Variants in RESF1 observed in about 807,000 individuals in gnomAD.
RESF1 encodes the protein gonad expressed transcript.
RESF1 carries 65 observed loss-of-function variants against 134.7 expected under a neutral mutation model. The ratio of observed to expected loss-of-function variants is 0.48; its 90% CI spans 0.40 to 0.59. The LOEUF (loss-of-function observed/expected upper bound fraction) is 0.59. RESF1 is among the 20% of genes least tolerant of loss of function. The pLI, the probability that RESF1 is intolerant of heterozygous loss-of-function variation, is 0.00. For synonymous variants in RESF1, 762 were observed against 702.2 expected (o/e 1.09, Z -1.35); for missense variants, 2,274 against 2,002.7 (o/e 1.14, Z -2.59).
At chr12:31,966,724 A>G (rs1328358539) in intron 2 of RESF1, among the ~76,000 whole-genome samples, 1 of 152,166 alleles carries the variant, frequency 6.6e-6, no homozygotes, top group Admixed American at 6.5e-5. Context: ...GTCCTCCACA[A>G]TAGGTGTGAT....
chr12:31,986,895 T>G lies in RESF1; in HGVS notation c.5003-344T>G, dbSNP rs189995421. Among the ~76,000 whole-genome samples the G allele has an allele frequency of 7.8e-4, 119 of 152,338 alleles. 1 individual carries two copies. The highest frequency in any genetic ancestry group is 1.3e-3 in the Admixed American group (20 of 15,294). On this transcript the variant is annotated intron_variant, in intron 4 of 5. Coordinates refer to ENST00000312561, the MANE Select transcript of RESF1 (RefSeq NM_018169.4). ...GGTGATTTCAATAGGTTCTTTCATT[T>G]GGATCCTTGGAATTTGAGGTGGGGA...
rs754399466 is a variant in RESF1 at position 31,984,919 on chromosome 12, C to T, written c.3964C>T (p.Arg1322Ter). 1.9e-5 allele frequency: 31 copies of T among 1,612,446 alleles called. No individual in the cohort carries two copies. Among genetic ancestry groups the T allele is most frequent in the Non-Finnish European group, 2.5e-5 (29 of 1,179,628 alleles). The change falls in exon 4 of 6, where the codon CGA (arginine) becomes TGA (stop). Residue 1322 changes from arginine (R) to a stop codon, truncating the protein, a stop_gained. Coordinates refer to ENST00000312561, the MANE Select transcript of RESF1 (RefSeq NM_018169.4). LOFTEE classifies it high-confidence loss of function. ...TTATGAACAAGCTTCTCAGGAAACC[C>T]GACAGAAGAAACATGTAACACAGAA... ...ASYEQASQET[R>*]QKKHVTQNSR...
chr12:31,982,929 A>G lies in RESF1; in HGVS notation c.1974A>G (p.Lys658=). The change falls in exon 4 of 6, where the codon AAA becomes AAG. Residue 658 remains lysine, a synonymous_variant. Transcript: ENST00000312561. ...GCAGTGGACAAGAATCCTCAACAAA[A>G]GGAATGCCTGCTAAAAGTGACAGTA... ...SFCSGQESST[K]GMPAKSDSSC... is the part of the protein sequence containing the mutation. 2.5e-6 allele frequency: 4 copies of G among 1,614,108 alleles called. No individual in the cohort carries two copies. Among genetic ancestry groups the G allele is most frequent in the Non-Finnish European group, 3.4e-6 (4 of 1,180,000 alleles).
chr12:31,984,345 G>A lies in RESF1; in HGVS notation c.3390G>A (p.Lys1130=). The change falls in exon 4 of 6, where the codon AAG becomes AAA. Residue 1130 remains lysine, a synonymous_variant. Transcript: ENST00000312561. ...ATGATCAACCCTATGTAGTAGACAA[G>A]TTGGCAGAACCTCAGAAAGAAGAGC... ...EQDDQPYVVD[K]LAEPQKEEPI... 1 of 1,614,106 alleles carries A rather than the reference G, an allele frequency of 6.2e-7. No individual in the cohort carries two copies. The highest frequency in any genetic ancestry group is 1.3e-5 in the African/African-American group (1 of 75,042).
In RESF1 at chr12:31,985,049, AACTC is replaced by A. The variant is rs1291127328; in HGVS notation, c.4096_4099del (p.Leu1366AsnfsTer11). 1.4e-5 allele frequency: 22 copies of A among 1,583,688 alleles called. No individual in the cohort carries two copies. Among genetic ancestry groups the A allele is most frequent in the Non-Finnish European group, 1.7e-5 (20 of 1,171,262 alleles). The stretch of plus-strand genomic sequence containing the variant: ...TTATCACCAGAAAAGATAAAATTGA[AACTC>A]AAATCAGTTAGCTTCAAACAAAAAC... On this transcript the variant is annotated frameshift_variant, in exon 4 of 6. Transcript: ENST00000312561. LOFTEE classifies it high-confidence loss of function.
At chr12:31,989,209 A>G (rs1367207969) in intron 5 of RESF1, among the ~76,000 whole-genome samples, 1 of 149,502 alleles carries the variant, frequency 6.7e-6, no homozygotes, top group Non-Finnish European at 1.5e-5. Context: ...ATCCTGGCTA[A>G]CACGGTGAAA....
Position 31,982,423 on chromosome 12 carries a change from C to T in RESF1, c.1468C>T (p.Gln490Ter). Residue 490 changes from glutamine to a stop codon, truncating the protein, a stop_gained, in exon 4 of 6, where the codon CAG becomes TAG. Coordinates refer to ENST00000312561, the MANE Select transcript of RESF1 (RefSeq NM_018169.4). LOFTEE classifies it high-confidence loss of function. ...TCAATGTATGTTGAATTCTGACATT[C>T]AGGAAGTCAATTGCAGAAGGTTTAA... Reference protein sequence around the residue: ...KTQCMLNSDIQEVNCRRFNQV... With the variant: ...KTQCMLNSDI The T allele has an allele frequency of 6.2e-7, 1 of 1,614,016 alleles. No homozygotes were observed. Among genetic ancestry groups the T allele is most frequent in the Non-Finnish European group, 8.5e-7 (1 of 1,180,002 alleles).
intron 5 of RESF1, among the ~76,000 whole-genome samples, chr12:31,991,453 A>G (rs1940091174): frequency 6.6e-6 from 1 of 152,184 alleles, no homozygotes; most frequent in Non-Finnish European, 1.5e-5. Context: ...AAAAGACAAA[A>G]CAAGACCCCA....
Position 31,982,114 on chromosome 12 carries a change from A to G in RESF1, c.1159A>G (p.Ser387Gly), listed in dbSNP as rs772756495. Residue 387 changes from serine (S) to glycine (G), a missense_variant, in exon 4 of 6, where the codon AGT becomes GGT. Ser to Gly is a moderately conservative substitution (Grantham distance 56). Coordinates refer to ENST00000312561, the MANE Select transcript of RESF1 (RefSeq NM_018169.4). ...NPTSNQVLDTSVAKEKLVRDI... is the reference protein window; with the variant it reads ...NPTSNQVLDTGVAKEKLVRDI... ...AACTTCAAATCAAGTACTGGACACA[A>G]GTGTTGCAAAAGAAAAGCTAGTAAG... is the stretch of plus-strand genomic sequence containing the variant. 6.2e-6 allele frequency: 10 copies of G among 1,614,148 alleles called. No individual in the cohort carries two copies. The highest frequency in any genetic ancestry group is 8.5e-6 in the Non-Finnish European group (10 of 1,180,028).
At position 31,983,555 on chromosome 12, in the gene RESF1, A is replaced by G. The variant is rs760569578; in HGVS notation, c.2600A>G (p.His867Arg). The change falls in exon 4 of 6, where the codon CAT (histidine) becomes CGT (arginine). Residue 867 changes from histidine to arginine, a missense_variant. Physicochemically the swap from His to Arg is conservative, Grantham distance 29. Transcript: ENST00000312561. The stretch of plus-strand genomic sequence containing the variant: ...CATAACAAATTAGAGTCAGCTATCC[A>G]TTCTCCTATGAACGATCAGCAAATC... ...GKHNKLESAI[H>R]SPMNDQQISQ... is the part of the protein sequence containing the mutation. The G allele has an allele frequency of 1.9e-6, 3 of 1,614,130 alleles. No individual in the cohort carries two copies. The Admixed American group carries it at 5.0e-5, about 27-fold the overall frequency.
chr12:31,989,280 C>T (rs1292470487), intron 5 of RESF1, among the ~76,000 whole-genome samples: 1 of 150,770 alleles, frequency 6.6e-6, no homozygotes. Flanking sequence ...CCTGTAGTCC[C>T]AGCTACTCGG....
At chr12:31,972,302 C>T (rs1348268479) in intron 3 of RESF1, among the ~76,000 whole-genome samples, 1 of 151,818 alleles carries the variant, frequency 6.6e-6, no homozygotes, top group Non-Finnish European at 1.5e-5. Context: ...TTGGTGTTGG[C>T]ATCAGAAGTG....
chr12:31,968,450 CT>C (rs34647835), intron 2 of RESF1, among the ~76,000 whole-genome samples: 12,437 of 140,426 alleles, frequency 0.089, 481 homozygotes, highest in South Asian at 0.14. Flanking sequence ...TAGGACTTCT[CT>C]TTTTTTTTTT....
At chr12:31,987,378 A>T in intron 5 of RESF1, 56 bp downstream of exon 5, 1 of 985,762 alleles carries the variant, frequency 1.0e-6, no homozygotes, top group African/African-American at 1.6e-5. Context: ...GTATATGGAA[A>T]TTGGATTATG....
At chr12:31,972,474 T>C (rs997386955) in intron 3 of RESF1, among the ~76,000 whole-genome samples, 1 of 151,882 alleles carries the variant, frequency 6.6e-6, no homozygotes, top group Non-Finnish European at 1.5e-5. Flanking sequence ...GGCGTGGTGG[T>C]GGGCACCGGT....
At chr12:31,965,198 C>G (rs779718849) in intron 2 of RESF1, among the ~76,000 whole-genome samples, 5 of 152,170 alleles carry the variant, frequency 3.3e-5, no homozygotes, top group Non-Finnish European at 5.9e-5. Flanking sequence ...CTCAAGTGAT[C>G]AGCGTGCCTC....
chr12:31,981,443 C>T lies in RESF1; in HGVS notation c.488C>T (p.Ser163Phe), dbSNP rs1565843704. The T allele has an allele frequency of 6.2e-7, 1 of 1,614,070 alleles. No homozygotes were observed. Among genetic ancestry groups the T allele is most frequent in the South Asian group, 1.1e-5 (1 of 91,076 alleles). ...QSQLITSDTY[S>F]MQMQMIPSNS... The stretch of plus-strand genomic sequence containing the variant: ...CAACTGATAACATCAGATACCTATT[C>T]TATGCAAATGCAGATGATCCCTTCT... The change falls in exon 4 of 6, where the codon TCT (serine) becomes TTT (phenylalanine). Residue 163 changes from serine to phenylalanine, a missense_variant. By Grantham distance (155) the Ser-to-Phe change is radical (BLOSUM62 -2). Transcript: ENST00000312561.
intron 3 of RESF1, among the ~76,000 whole-genome samples, chr12:31,971,644 A>C (rs893143556): frequency 2.0e-5 from 3 of 152,170 alleles, no homozygotes; most frequent in African/African-American, 7.2e-5. Flanking sequence ...TTTCAGGCAT[A>C]CACTCCTAAA....
intron 5 of RESF1, among the ~76,000 whole-genome samples, chr12:31,990,439 AT>A (rs1470975619): frequency 2.6e-5 from 4 of 151,418 alleles, no homozygotes; most frequent in Non-Finnish European, 5.9e-5. Flanking sequence ...TTATTTACTT[AT>A]TTTTATTTAT....
Sources: allele counts gnomAD v4.1 joint callset (sites outside exome capture counted in the v4.1 genomes callset), GRCh38; gene constraint gnomAD v4.1.1; transcripts MANE v1.5; gene names NCBI Gene and HGNC (gene_info 2026-07-23, HGNC 2026-07-21).